The following EDF1 variants were observed in gnomAD, a reference collection of about 807,000 sequenced individuals.
The protein encoded by EDF1 is endothelial differentiation related factor 1.
A neutral mutation model predicts 20.8 loss-of-function variants in EDF1; 5 were observed. The ratio of observed to expected loss-of-function variants is 0.24; its 90% CI spans 0.13 to 0.51. The LOEUF is 0.51. EDF1 is among the 20% of genes least tolerant of loss of function. The pLI is 0.97. For synonymous variants in EDF1, 96 were observed against 78.5 expected (o/e 1.22, Z -1.18); for missense variants, 137 against 197.8 (o/e 0.69, Z 1.84).
Position 136,863,555 on chromosome 9 carries a change from G to A in EDF1, c.131-107C>T. On this transcript the variant is annotated intron_variant, in intron 2 of 4. Transcript: ENST00000224073. This position sits in a 1 kb window ranked among gnomAD's most constrained non-coding sequence, Gnocchi z 4.5. ...CCCAGAGGCTGCCTGAACTCAAGGG[G>A]ACATGGGAACCCAGGCTGTCCCAAG... The A allele has an allele frequency of 2.8e-6, 4 of 1,415,372 alleles. No individual in the cohort carries two copies. The highest frequency in any genetic ancestry group is 3.8e-6 in the Non-Finnish European group (4 of 1,056,132). The allele number at this position is 1,415,372 out of a possible 1,614,324, so 87.7% of individuals were successfully genotyped here.
intron 1 of EDF1, among the ~76,000 whole-genome samples, chr9:136,864,914 C>T (rs778266999): frequency 3.3e-5 from 5 of 152,194 alleles, no homozygotes; most frequent in South Asian, 2.1e-4. Flanking sequence ...TGAGCCACCG[C>T]GCCCGGCCAA....
At position 136,862,418 on chromosome 9, in the gene EDF1, A is replaced by T. The variant is rs201317228; in HGVS notation, c.386-73T>A. The T allele has an allele frequency of 3.1e-4, 504 of 1,613,532 alleles. 2 individuals carry two copies. Among genetic ancestry groups the T allele is most frequent in the Middle Eastern group, 9.9e-4 (6 of 6,082 alleles). On this transcript the variant is annotated intron_variant, in intron 4 of 4. Transcript: ENST00000224073. This position sits in a 1 kb window ranked among gnomAD's most constrained non-coding sequence, Gnocchi z 4.1. ...CCCCCCAACGCTGCCCCTCTTCAACATCTTCCCAGGGAAGGGGGGCCACGC... is the reference window on the plus strand; with the variant it reads ...CCCCCCAACGCTGCCCCTCTTCAACTTCTTCCCAGGGAAGGGGGGCCACGC...
Position 136,863,152 on chromosome 9 carries a change from C to G in EDF1, c.291+136G>C. ...TGTGCGAGAGGCAGTGAGAGCCGGG[C>G]TGACCTGGCTTCCCGAGGCATTCCC... On this transcript the variant is annotated intron_variant, in intron 3 of 4. Transcript: ENST00000224073. This position sits in a 1 kb window ranked among gnomAD's most constrained non-coding sequence, Gnocchi z 4.5. 6.6e-7 allele frequency: 1 copy of G among 1,513,296 alleles called. No individual in the cohort carries two copies. The highest frequency in any genetic ancestry group is 9.0e-7 in the Non-Finnish European group (1 of 1,115,744). 93.7% of individuals were successfully genotyped at this position (1,513,296 alleles called of 1,614,324 possible).
intron 1 of EDF1, among the ~76,000 whole-genome samples, chr9:136,864,630 CTTTT>C: frequency 6.8e-6 from 1 of 146,652 alleles, no homozygotes; most frequent in Admixed American, 6.8e-5. Flanking sequence ...TATTTATTAA[CTTTT>C]TTTTTTTGAG....
Position 136,863,002 on chromosome 9 carries a change from A to G in EDF1, c.292-3T>C, listed in dbSNP as rs1016411019. 3 of 1,613,776 alleles carry G rather than the reference A, an allele frequency of 1.9e-6. No individual in the cohort carries two copies. Among genetic ancestry groups the G allele is most frequent in the Admixed American group, 3.3e-5 (2 of 60,032 alleles). On this transcript the variant is annotated splice_polypyrimidine_tract_variant and splice_region_variant and intron_variant, in intron 3 of 4. Coordinates refer to ENST00000224073, the MANE Select transcript of EDF1 (RefSeq NM_003792.4). This position sits in a 1 kb window ranked among gnomAD's most constrained non-coding sequence, Gnocchi z 4.5. ...ACCTGTGGCTTCTCATTGATTTTCT[A>G]AAGAGAAGATGTGCTTTATACACAT...
In EDF1 at chr9:136,863,193, G is replaced by T. The variant is rs542461083; in HGVS notation, c.291+95C>A. On this transcript the variant is annotated intron_variant, in intron 3 of 4. Transcript: ENST00000224073. This position sits in a 1 kb window ranked among gnomAD's most constrained non-coding sequence, Gnocchi z 4.5. ...AGGCATTCCCTGCAGGGGAACCAGG[G>T]GGGTGGAGCCCACCCTCCCCGTGCT... The T allele has an allele frequency of 3.5e-4, 545 of 1,545,606 alleles. 1 individual carries two copies. The African/African-American group carries it at 6.6e-3, about 19-fold the overall frequency.
Position 136,863,183 on chromosome 9 carries a change from G to A in EDF1, c.291+105C>T, listed in dbSNP as rs1333272242. 7 of 1,542,610 alleles carry A rather than the reference G, an allele frequency of 4.5e-6. No homozygotes were observed. The highest frequency in any genetic ancestry group is 2.7e-5 in the African/African-American group (2 of 73,652). ...TGGCTTCCCGAGGCATTCCCTGCAGGGGAACCAGGGGGGTGGAGCCCACCC... is the reference window on the plus strand; with the variant it reads ...TGGCTTCCCGAGGCATTCCCTGCAGAGGAACCAGGGGGGTGGAGCCCACCC... On this transcript the variant is annotated intron_variant, in intron 3 of 4. Coordinates refer to ENST00000224073, the MANE Select transcript of EDF1 (RefSeq NM_003792.4). The surrounding 1 kb of genome is among the most constrained non-coding windows in gnomAD (Gnocchi z 4.5).
rs1461108027 is a variant in EDF1, at chr9:136,863,778, AC to A, written c.130+41del. 1 of 1,612,478 alleles carries A rather than the reference AC, an allele frequency of 6.2e-7. No homozygotes were observed. The highest frequency in any genetic ancestry group is 1.1e-5 in the South Asian group (1 of 91,032). On this transcript the variant is annotated intron_variant, in intron 2 of 4. Transcript: ENST00000224073. The surrounding 1 kb of genome is among the most constrained non-coding windows in gnomAD (Gnocchi z 4.5). ...CCACACCCACCAGCACATGGACCCC[AC>A]AGCACAGCCTCATGTTGCAAGCGGA...
rs1202673710 is a variant in EDF1 at position 136,863,006 on chromosome 9, A to G, written c.292-7T>C. The stretch of plus-strand genomic sequence containing the variant: ...GTGGCTTCTCATTGATTTTCTAAAG[A>G]GAAGATGTGCTTTATACACATCAGC... On this transcript the variant is annotated splice_polypyrimidine_tract_variant and splice_region_variant and intron_variant, in intron 3 of 4. Coordinates refer to ENST00000224073, the MANE Select transcript of EDF1 (RefSeq NM_003792.4). This position sits in a 1 kb window ranked among gnomAD's most constrained non-coding sequence, Gnocchi z 4.5. 6.2e-7 allele frequency: 1 copy of G among 1,613,676 alleles called. No individual in the cohort carries two copies. Among genetic ancestry groups the G allele is most frequent in the East Asian group, 2.2e-5 (1 of 44,900 alleles).
intron 1 of EDF1, 103 bp downstream of exon 1, chr9:136,866,078 C>T: frequency 8.0e-7 from 1 of 1,250,106 alleles, no homozygotes; most frequent in East Asian, 3.0e-5. Flanking sequence ...GCGCCCTGTC[C>T]CAGGCCCCGC....
At position 136,862,438 on chromosome 9, in the gene EDF1, C is replaced by T. The variant is rs765677291; in HGVS notation, c.386-93G>A. On this transcript the variant is annotated intron_variant, in intron 4 of 4. Transcript: ENST00000224073. The surrounding 1 kb of genome is among the most constrained non-coding windows in gnomAD (Gnocchi z 4.1). The stretch of plus-strand genomic sequence containing the variant: ...TCAACATCTTCCCAGGGAAGGGGGG[C>T]CACGCCGCTCCCGTGCCTCACTGGG... 20 of 1,613,492 alleles carry T rather than the reference C, an allele frequency of 1.2e-5. No individual in the cohort carries two copies. In the South Asian group the frequency reaches 1.9e-4, roughly 15 times the overall value.
In EDF1 at chr9:136,863,149, G is replaced by T. The variant is rs1230868317; in HGVS notation, c.291+139C>A. 6.6e-7 allele frequency: 1 copy of T among 1,508,210 alleles called. No individual in the cohort carries two copies. Among genetic ancestry groups the T allele is most frequent in the African/African-American group, 1.4e-5 (1 of 72,914 alleles). The allele number at this position is 1,508,210 out of a possible 1,614,324, so 93.4% of individuals were successfully genotyped here. A position where few individuals can be genotyped will look rare whatever the true frequency, so the allele number is the denominator to read the frequency against. On this transcript the variant is annotated intron_variant, in intron 3 of 4. Transcript: ENST00000224073. This position sits in a 1 kb window ranked among gnomAD's most constrained non-coding sequence, Gnocchi z 4.5. ...TTTTGTGCGAGAGGCAGTGAGAGCC[G>T]GGCTGACCTGGCTTCCCGAGGCATT...
chr9:136,865,923 CT>C (rs1430815584), intron 1 of EDF1, among the ~76,000 whole-genome samples: 1 of 151,240 alleles, frequency 6.6e-6, no homozygotes, highest in Non-Finnish European at 1.5e-5. Flanking sequence ...CGCCCGCCCC[CT>C]GCCTCCTGGG....
chr9:136,862,379 A>G lies in EDF1; in HGVS notation c.386-34T>C, dbSNP rs781094054. 2.5e-6 allele frequency: 4 copies of G among 1,613,942 alleles called. No individual in the cohort carries two copies. The South Asian group carries it at 4.4e-5, about 18-fold the overall frequency. On this transcript the variant is annotated intron_variant, in intron 4 of 4. Coordinates refer to ENST00000224073, the MANE Select transcript of EDF1 (RefSeq NM_003792.4). The surrounding 1 kb of genome is among the most constrained non-coding windows in gnomAD (Gnocchi z 4.1). ...AGCCACAGCCACTGGCCACTGCAGC[A>G]CCAGCTCCCTCCTCCCCCCAACGCT...
rs1221630427 is a variant in EDF1, at chr9:136,862,497, C to G, written c.386-152G>C. 3 of 1,611,640 alleles carry G rather than the reference C, an allele frequency of 1.9e-6. No individual in the cohort carries two copies. The Admixed American group carries it at 5.0e-5, about 27-fold the overall frequency. ...ACACGAGCACTCCTGGTTCCCACAT[C>G]TAATTTTGAAGAGGATGAGTCTGAT... is the stretch of plus-strand genomic sequence containing the variant. On this transcript the variant is annotated intron_variant, in intron 4 of 4. Coordinates refer to ENST00000224073, the MANE Select transcript of EDF1 (RefSeq NM_003792.4). The surrounding 1 kb of genome is among the most constrained non-coding windows in gnomAD (Gnocchi z 4.1).
chr9:136,862,755 G>A lies in EDF1; in HGVS notation c.385+151C>T. 3 of 1,585,578 alleles carry A rather than the reference G, an allele frequency of 1.9e-6. No individual in the cohort carries two copies. The highest frequency in any genetic ancestry group is 1.7e-6 in the Non-Finnish European group (2 of 1,169,618). ...CAGAGACCCCACCATCCCTCAGTCTGTACTACCTGGAGAAGCAAAGCTCCA... is the reference window on the plus strand; with the variant it reads ...CAGAGACCCCACCATCCCTCAGTCTATACTACCTGGAGAAGCAAAGCTCCA... On this transcript the variant is annotated intron_variant, in intron 4 of 4. Transcript: ENST00000224073. The surrounding 1 kb of genome is among the most constrained non-coding windows in gnomAD (Gnocchi z 4.1).
chr9:136,864,598 G>T (rs1399498425), intron 1 of EDF1, among the ~76,000 whole-genome samples: 3 of 151,674 alleles, frequency 2.0e-5, no homozygotes, highest in Non-Finnish European at 2.9e-5. Flanking sequence ...CTCATCTACA[G>T]TCACTGAATA....
In EDF1 at chr9:136,863,482, G is replaced by A. The variant is rs778714225; in HGVS notation, c.131-34C>T. 3.8e-5 allele frequency: 60 copies of A among 1,598,542 alleles called. No homozygotes were observed. The highest frequency in any genetic ancestry group is 1.9e-4 in the Admixed American group (11 of 59,016). ...GGTGTGAGGCAAAAGCAGAGGAGAG[G>A]ATTTGGAATTAACCTGAAGAAAAAC... On this transcript the variant is annotated intron_variant, in intron 2 of 4. Coordinates refer to ENST00000224073, the MANE Select transcript of EDF1 (RefSeq NM_003792.4). The surrounding 1 kb of genome is among the most constrained non-coding windows in gnomAD (Gnocchi z 4.5).
chr9:136,862,225 G>T lies in EDF1; in HGVS notation c.*59C>A. The stretch of plus-strand genomic sequence containing the variant: ...GCCCGTGAGGAGAACGGAACTGGCG[G>T]CCAAGGGGAACCGGCGGAACGAGAT... On this transcript the variant is annotated 3_prime_UTR_variant, in exon 5 of 5. Transcript: ENST00000224073. This position sits in a 1 kb window ranked among gnomAD's most constrained non-coding sequence, Gnocchi z 4.1. 1 of 1,607,900 alleles carries T rather than the reference G, an allele frequency of 6.2e-7. No homozygotes were observed. Among genetic ancestry groups the T allele is most frequent in the Non-Finnish European group, 8.5e-7 (1 of 1,174,608 alleles).
Sources: gnomAD v4.1 joint callset for allele counts (sites outside exome capture counted in the v4.1 genomes callset) on GRCh38, gnomAD v4.1.1 for gene constraint, Gnocchi (gnomAD v3.1) non-coding constraint, MANE v1.5 for transcripts, NCBI Gene and HGNC (gene_info 2026-07-23, HGNC 2026-07-21) for gene names.